The following PCDHGC5 variants were observed in gnomAD, a reference collection of about 807,000 sequenced individuals.
PCDHGC5 encodes protocadherin gamma-C5.
Under a neutral mutation model 59.0 loss-of-function variants are expected in PCDHGC5, and 25 were observed. The ratio of observed to expected loss-of-function variants is 0.42; its 90% CI spans 0.31 to 0.59. PCDHGC5 has a LOEUF of 0.59. Ranked by LOEUF, PCDHGC5 falls within the 20% of genes least tolerant of loss-of-function variation. The pLI is 0.13. For missense variants in PCDHGC5, 1,067 were observed against 1,206.4 expected (o/e 0.88, Z 1.71); for synonymous variants, 434 against 505.5 (o/e 0.86, Z 1.90).
chr5:141,506,847 T>C lies in PCDHGC5; in HGVS notation c.2608+1366T>C, dbSNP rs146737657. ...GAACTGATAGCCCTGCCCTCCAGCA[T>C]GTCTGGAGGACTGGTGGGTAGAGAA... On this transcript the variant is annotated intron_variant, in intron 3 of 3. Coordinates refer to ENST00000252087, the MANE Select transcript of PCDHGC5 (RefSeq NM_018929.3). 3.7e-3 allele frequency among the ~76,000 whole-genome samples: 564 copies of C among 152,318 alleles called. 5 individuals are homozygous for C. Among genetic ancestry groups the C allele is most frequent in the Admixed American group, 0.011 (164 of 15,302 alleles).
At position 141,489,397 on chromosome 5, in the gene PCDHGC5, G is replaced by A. The variant is rs1307106048; in HGVS notation, c.157G>A (p.Gly53Ser). 2.5e-6 allele frequency: 4 copies of A among 1,614,058 alleles called. No homozygotes were observed. The highest frequency in any genetic ancestry group is 2.7e-5 in the African/African-American group (2 of 74,914). ...GGTGGGGAATGTTGCTCAGGATCTG[G>A]GCTTAAAGATGACAGATCTGTTGAG... Reference protein sequence around the residue: ...TLVGNVAQDLGLKMTDLLSRR... With the variant: ...TLVGNVAQDLSLKMTDLLSRR... Residue 53 changes from glycine (G) to serine (S), a missense_variant, in exon 1 of 4, where the codon GGC becomes AGC. Physicochemically the swap from Gly to Ser is moderately conservative, Grantham distance 56. Transcript: ENST00000252087. This position sits in a 1 kb window ranked among gnomAD's most constrained non-coding sequence, Gnocchi z 4.5.
At chr5:141,510,272 TAA>T (rs546154379) in intron 3 of PCDHGC5, among the ~76,000 whole-genome samples, 46 of 130,286 alleles carry the variant, frequency 3.5e-4, no homozygotes, top group South Asian at 5.0e-4. Context: ...GACTCCATCT[TAA>T]AAAAAAAAAA....
chr5:141,491,723 G>C lies in PCDHGC5; in HGVS notation c.2460+23G>C. The C allele has an allele frequency of 1.2e-6, 2 of 1,606,770 alleles. No homozygotes were observed. The highest frequency in any genetic ancestry group is 1.7e-6 in the Non-Finnish European group (2 of 1,177,028). On this transcript the variant is annotated intron_variant, in intron 1 of 3. Transcript: ENST00000252087. The surrounding 1 kb of genome is among the most constrained non-coding windows in gnomAD (Gnocchi z 6.9). The stretch of plus-strand genomic sequence containing the variant: ...CAGGTGAGGGGCTCGGCGCCGCCCC[G>C]GGCGACCCCTGGGGGCGGCACTGGA...
intron 1 of PCDHGC5, chr5:141,492,013 T>G: frequency 1.6e-6 from 1 of 610,970 alleles, no homozygotes; most frequent in Non-Finnish European, 2.7e-6. Context: ...TCCGCGGGTG[T>G]CGGGGGTCCC....
intron 2 of PCDHGC5, among the ~76,000 whole-genome samples, chr5:141,504,722 C>T (rs747319660): frequency 1.3e-5 from 2 of 151,828 alleles, no homozygotes; most frequent in Non-Finnish European, 2.9e-5. Context: ...GGATTTTACT[C>T]TGAGGGCTTA....
rs1562150111 is a variant in PCDHGC5, at chr5:141,491,805, T to G, written c.2460+105T>G. 1 of 1,495,892 alleles carries G rather than the reference T, an allele frequency of 6.7e-7. No homozygotes were observed. 92.7% of individuals were successfully genotyped at this position (1,495,892 alleles called of 1,614,324 possible). A position where few individuals can be genotyped will look rare whatever the true frequency, so the allele number is the denominator to read the frequency against. On this transcript the variant is annotated intron_variant, in intron 1 of 3. Coordinates refer to ENST00000252087, the MANE Select transcript of PCDHGC5 (RefSeq NM_018929.3). This position sits in a 1 kb window ranked among gnomAD's most constrained non-coding sequence, Gnocchi z 6.9. ...TGCATCCACTCCTCTCCGGCCGGCT[T>G]GGTCGCTGGCTGCGCTCCACCCGAT... is the stretch of plus-strand genomic sequence containing the variant.
Position 141,504,006 on chromosome 5 carries a change from G to C in PCDHGC5, c.2520-1387G>C, listed in dbSNP as rs138738950. Among the ~76,000 whole-genome samples, 1,431 of 152,182 alleles carry C rather than the reference G, an allele frequency of 9.4e-3. 31 individuals are homozygous for C. The highest frequency in any genetic ancestry group is 0.033 in the African/African-American group (1,367 of 41,490). On this transcript the variant is annotated intron_variant, in intron 2 of 3. Coordinates refer to ENST00000252087, the MANE Select transcript of PCDHGC5 (RefSeq NM_018929.3). The stretch of plus-strand genomic sequence containing the variant: ...CTTCTTACCTTACAGTCACTTAACT[G>C]TCTCTGCTGGTCTCTTCCCACTCAT...
Position 141,491,717 on chromosome 5 carries a change from C to A in PCDHGC5, c.2460+17C>A. ...CGGAGCCAGGTGAGGGGCTCGGCGC[C>A]GCCCCGGGCGACCCCTGGGGGCGGC... On this transcript the variant is annotated intron_variant, in intron 1 of 3. Coordinates refer to ENST00000252087, the MANE Select transcript of PCDHGC5 (RefSeq NM_018929.3). The surrounding 1 kb of genome is among the most constrained non-coding windows in gnomAD (Gnocchi z 6.9). 1 of 1,607,940 alleles carries A rather than the reference C, an allele frequency of 6.2e-7. No individual in the cohort carries two copies. Among genetic ancestry groups the A allele is most frequent in the Middle Eastern group, 1.7e-4 (1 of 6,010 alleles).
chr5:141,510,239 C>T (rs2099880022), intron 3 of PCDHGC5, among the ~76,000 whole-genome samples: 1 of 150,434 alleles, frequency 6.6e-6, no homozygotes, highest in Non-Finnish European at 1.5e-5. Flanking sequence ...CGCCACTGCA[C>T]TCCAGGCTGG....
chr5:141,511,003 G>T lies in PCDHGC5; in HGVS notation c.2665G>T (p.Ala889Ser), dbSNP rs114669158. ...GGGAGTMGLS[A>S]RYGPQFTLQH... The stretch of plus-strand genomic sequence containing the variant: ...GGGTGCCGGCACCATGGGATTGAGC[G>T]CCCGCTACGGACCCCAGTTCACCCT... Residue 889 changes from alanine to serine, a missense_variant, in exon 4 of 4, where the codon GCC (alanine) becomes TCC (serine). Coordinates refer to ENST00000252087, the MANE Select transcript of PCDHGC5 (RefSeq NM_018929.3). 2 of 1,614,032 alleles carry T rather than the reference G, an allele frequency of 1.2e-6. No individual in the cohort carries two copies. Among genetic ancestry groups the T allele is most frequent in the Non-Finnish European group, 1.7e-6 (2 of 1,180,020 alleles).
Position 141,500,251 on chromosome 5 carries a change from C to T in PCDHGC5, c.2520-5142C>T, listed in dbSNP as rs187199142. Among the ~76,000 whole-genome samples, 1,493 of 151,438 alleles carry T rather than the reference C, an allele frequency of 9.9e-3. 32 individuals are homozygous for T. Among genetic ancestry groups the T allele is most frequent in the African/African-American group, 0.035 (1,426 of 41,214 alleles). Reference sequence around the variant, plus strand: ...TGATACGTAGCCTTGCTCTGTCACCCAGGCTGGACTGCAGTGGCGCAATCT... The same window carrying T: ...TGATACGTAGCCTTGCTCTGTCACCTAGGCTGGACTGCAGTGGCGCAATCT... On this transcript the variant is annotated intron_variant, in intron 2 of 3. Coordinates refer to ENST00000252087, the MANE Select transcript of PCDHGC5 (RefSeq NM_018929.3).
chr5:141,503,268 C>A (rs1038268807), intron 2 of PCDHGC5, among the ~76,000 whole-genome samples: 6 of 152,068 alleles, frequency 3.9e-5, no homozygotes, highest in African/African-American at 7.2e-5. Context: ...AACCCCAGCA[C>A]CTGGCTCTGT....
intron 3 of PCDHGC5, among the ~76,000 whole-genome samples, chr5:141,507,673 G>A (rs184362608): frequency 6.6e-5 from 10 of 152,368 alleles, no homozygotes; most frequent in Admixed American, 2.6e-4. Context: ...AAATCCAGAT[G>A]TTAAAAACAG....
chr5:141,489,971 C>A lies in PCDHGC5; in HGVS notation c.731C>A (p.Ser244Tyr), dbSNP rs1254025468. 1 of 1,614,060 alleles carries A rather than the reference C, an allele frequency of 6.2e-7. No homozygotes were observed. The highest frequency in any genetic ancestry group is 1.3e-5 in the African/African-American group (1 of 74,944). Reference sequence around the variant, plus strand: ...AATGATAATGCTCCAACCTTCCAATCCTCAGTTCTACGTGTGGGAATCCCA... The same window carrying A: ...AATGATAATGCTCCAACCTTCCAATACTCAGTTCTACGTGTGGGAATCCCA... The part of the protein sequence containing the change: ...DINDNAPTFQ[S>Y]SVLRVGIPEN... The change falls in exon 1 of 4, where the codon TCC becomes TAC. Residue 244 changes from serine to tyrosine, a missense_variant. Transcript: ENST00000252087. The surrounding 1 kb of genome is among the most constrained non-coding windows in gnomAD (Gnocchi z 4.5).
chr5:141,500,499 G>T lies in PCDHGC5; in HGVS notation c.2520-4894G>T, dbSNP rs531501031. On this transcript the variant is annotated intron_variant, in intron 2 of 3. Transcript: ENST00000252087. ...GCTGGGATTACAGGCGTGAGCCACC[G>T]CGCCTGGCCGAGCTTCATTTTAAAA... Among the ~76,000 whole-genome samples, 24 of 152,088 alleles carry T rather than the reference G, an allele frequency of 1.6e-4. 1 individual carries two copies. In the Middle Eastern group the frequency reaches 0.01, roughly 65 times the overall value.
chr5:141,491,168 A>G lies in PCDHGC5; in HGVS notation c.1928A>G (p.Gln643Arg). The change falls in exon 1 of 4, where the codon CAG becomes CGG. Residue 643 changes from glutamine (Q) to arginine (R), a missense_variant. Physicochemically the swap from Gln to Arg is conservative, Grantham distance 43 (BLOSUM62 1). Coordinates refer to ENST00000252087, the MANE Select transcript of PCDHGC5 (RefSeq NM_018929.3). The surrounding 1 kb of genome is among the most constrained non-coding windows in gnomAD (Gnocchi z 6.9). ...ALLEDDSDTQQVVVLVRDNGD... is the reference protein window; with the variant it reads ...ALLEDDSDTQRVVVLVRDNGD... Reference sequence around the variant, plus strand: ...CTGGAGGATGACTCTGACACCCAGCAGGTGGTGGTCCTGGTGAGGGACAAT... The same window carrying G: ...CTGGAGGATGACTCTGACACCCAGCGGGTGGTGGTCCTGGTGAGGGACAAT... 2 of 1,614,160 alleles carry G rather than the reference A, an allele frequency of 1.2e-6. No homozygotes were observed.
intron 3 of PCDHGC5, among the ~76,000 whole-genome samples, chr5:141,509,045 GC>G (rs1165443091): frequency 6.6e-6 from 1 of 152,060 alleles, no homozygotes; most frequent in Non-Finnish European, 1.5e-5. Context: ...CCTCTCCCCC[GC>G]CCCCAGAAAG....
intron 3 of PCDHGC5, among the ~76,000 whole-genome samples, chr5:141,510,741 C>A (rs11953770): frequency 1.3e-5 from 2 of 152,138 alleles, no homozygotes; most frequent in Non-Finnish European, 1.5e-5. Context: ...GGAATCAAAC[C>A]TAGACTTTCT....
chr5:141,508,919 C>T (rs1166086266), intron 3 of PCDHGC5, among the ~76,000 whole-genome samples: 1 of 151,996 alleles, frequency 6.6e-6, no homozygotes, highest in Non-Finnish European at 1.5e-5. Context: ...GATCTGGCTT[C>T]CTTTTGGAGT....
Sources: gnomAD v4.1 joint callset for allele counts (sites outside exome capture counted in the v4.1 genomes callset) on GRCh38, gnomAD v4.1.1 for gene constraint, Gnocchi (gnomAD v3.1) non-coding constraint, MANE v1.5 for transcripts, NCBI Gene and HGNC (gene_info 2026-07-23, HGNC 2026-07-21) for gene names.